Variants in GADL1 observed in about 807,000 individuals in gnomAD.
GADL1 encodes the protein GAD like acidic amino acid decarboxylase 1.
Under a neutral mutation model 69.5 loss-of-function variants are expected in GADL1, and 71 were observed. The ratio of observed to expected loss-of-function variants is 1.02; its 90% CI spans 0.84 to 1.25. GADL1 has a LOEUF of 1.25. Ranked by LOEUF, GADL1 falls within the 50% of genes most tolerant of loss-of-function variation. The pLI is 0.00. For synonymous variants in GADL1, 254 were observed against 214.4 expected (o/e 1.18, Z -1.62); for missense variants, 737 against 631.8 (o/e 1.17, Z -1.79).
chr3:30,856,547 T>C (rs1698233402), intron 3 of GADL1, among the ~76,000 whole-genome samples: 1 of 152,094 alleles, frequency 6.6e-6, no homozygotes, highest in South Asian at 2.1e-4. Flanking sequence ...GTTTGGCAAT[T>C]ACCAACTGCC....
At chr3:30,849,576 T>C (rs572612639) in intron 6 of GADL1, among the ~76,000 whole-genome samples, 1 of 152,214 alleles carries the variant, frequency 6.6e-6, no homozygotes, top group Admixed American at 6.5e-5. Flanking sequence ...TGTTACTGTA[T>C]ATCTTTCTTT....
intron 1 of GADL1, among the ~76,000 whole-genome samples, chr3:30,876,636 A>G (rs1455069644): frequency 6.6e-6 from 1 of 151,896 alleles, no homozygotes; most frequent in Non-Finnish European, 1.5e-5. Context: ...CTAATTTCCA[A>G]ATGTTAGCAT....
chr3:30,826,222 C>A (rs546626308), intron 11 of GADL1, among the ~76,000 whole-genome samples: 13 of 151,950 alleles, frequency 8.6e-5, no homozygotes, highest in African/African-American at 3.1e-4. Flanking sequence ...TAAATAGAAT[C>A]CTCTCTCTGG....
chr3:30,784,868 C>T (rs1271938038), intron 13 of GADL1, among the ~76,000 whole-genome samples: 1 of 152,198 alleles, frequency 6.6e-6, no homozygotes, highest in African/African-American at 2.4e-5. Flanking sequence ...CCCACCTCTG[C>T]AATTCCATCA....
intron 12 of GADL1, chr3:30,799,540 T>G (rs1323300918): frequency 2.0e-5 from 3 of 152,216 alleles, no homozygotes; most frequent in Non-Finnish European, 4.4e-5. Flanking sequence ...GGGACTGCCA[T>G]GAAGACCTAT....
rs1030833769 is a variant in GADL1 at position 30,817,726 on chromosome 3, T to A, written c.1050+16127A>T. On this transcript the variant is annotated intron_variant, in intron 11 of 14. Transcript: ENST00000282538. ...ACAGTGCTATAAATGAATGCACCAG[T>A]ATTTCTAGAACTGGATGTCGAGGGT... is the stretch of plus-strand genomic sequence containing the variant. Among the ~76,000 whole-genome samples, 3 of 152,204 alleles carry A rather than the reference T, an allele frequency of 2.0e-5. 1 individual carries two copies. Among genetic ancestry groups the A allele is most frequent in the Non-Finnish European group, 4.4e-5 (3 of 68,042 alleles).
intron 14 of GADL1, among the ~76,000 whole-genome samples, chr3:30,764,523 T>C (rs7631674): frequency 0.44 from 66,888 of 151,960 alleles, 14,726 homozygotes; most frequent in African/African-American, 0.46. Context: ...TCGTACTACT[T>C]GGTCCCTTGT....
chr3:30,753,067 CAA>C (rs1695871122), intron 14 of GADL1, among the ~76,000 whole-genome samples: 1 of 152,132 alleles, frequency 6.6e-6, no homozygotes, highest in Non-Finnish European at 1.5e-5. Context: ...TCTTTAAAAT[CAA>C]AATGCTGTCA....
At chr3:30,817,151 G>A (rs1006815066) in intron 11 of GADL1, among the ~76,000 whole-genome samples, 8 of 152,206 alleles carry the variant, frequency 5.3e-5, no homozygotes, top group South Asian at 2.1e-4. Context: ...CCTGGCATGC[G>A]TGTCTGTTTT....
chr3:30,890,375 T>G (rs1698771043), intron 1 of GADL1, among the ~76,000 whole-genome samples: 1 of 151,984 alleles, frequency 6.6e-6, no homozygotes, highest in African/African-American at 2.4e-5. Flanking sequence ...CTCATAGACA[T>G]CAGGGAAGAA....
chr3:30,790,350 T>C (rs945308446), intron 12 of GADL1, among the ~76,000 whole-genome samples: 7 of 152,120 alleles, frequency 4.6e-5, no homozygotes, highest in Non-Finnish European at 8.8e-5. Context: ...ACAGAACTGA[T>C]GACTCAAACA....
chr3:30,758,065 G>GC (rs1382080348), intron 14 of GADL1, among the ~76,000 whole-genome samples: 2 of 152,182 alleles, frequency 1.3e-5, no homozygotes, highest in Non-Finnish European at 2.9e-5. Context: ...GCAGCAGCTT[G>GC]CCCCAAAAGC....
intron 12 of GADL1, among the ~76,000 whole-genome samples, chr3:30,795,998 T>C (rs1697024982): frequency 6.6e-6 from 1 of 152,254 alleles, no homozygotes; most frequent in African/African-American, 2.4e-5. Flanking sequence ...CAATAAGTGT[T>C]TGTTGAATTG....
chr3:30,750,624 C>T (rs1197842706), intron 14 of GADL1, among the ~76,000 whole-genome samples: 1 of 140,468 alleles, frequency 7.1e-6, no homozygotes, highest in African/African-American at 2.7e-5. Flanking sequence ...TTCCGTCTAT[C>T]CCTTCTCTCC....
At chr3:30,753,874 A>AG (rs1228720399) in intron 14 of GADL1, among the ~76,000 whole-genome samples, 2 of 152,216 alleles carry the variant, frequency 1.3e-5, no homozygotes, top group Non-Finnish European at 2.9e-5. Flanking sequence ...CTTTTGTTTT[A>AG]GTGGACCCTG....
chr3:30,843,688 G>T (rs1470658979), intron 8 of GADL1, among the ~76,000 whole-genome samples: 1 of 152,204 alleles, frequency 6.6e-6, no homozygotes, highest in East Asian at 1.9e-4. Flanking sequence ...AAGAAAGGAT[G>T]TTCTGTCACT....
At chr3:30,782,993 G>T (rs181825610) in intron 13 of GADL1, among the ~76,000 whole-genome samples, 60 of 152,234 alleles carry the variant, frequency 3.9e-4, no homozygotes, top group Admixed American at 3.2e-3. Flanking sequence ...ATATTAGTAG[G>T]TTCACTATTA....
chr3:30,764,018 ATC>A (rs1696206909), intron 14 of GADL1, among the ~76,000 whole-genome samples: 1 of 152,142 alleles, frequency 6.6e-6, no homozygotes, highest in Non-Finnish European at 1.5e-5. Context: ...CAAACCTCAA[ATC>A]TCTAAATGAG....
At chr3:30,742,802 C>A (rs1575180561) in intron 14 of GADL1, among the ~76,000 whole-genome samples, 1 of 151,832 alleles carries the variant, frequency 6.6e-6, no homozygotes, top group Non-Finnish European at 1.5e-5. Flanking sequence ...TTTTGAAGGT[C>A]ATATATTTTA....
Sources: gnomAD v4.1 joint callset for allele counts (sites outside exome capture counted in the v4.1 genomes callset) on GRCh38, gnomAD v4.1.1 for gene constraint, MANE v1.5 for transcripts, NCBI Gene and HGNC (gene_info 2026-07-23, HGNC 2026-07-21) for gene names.